IMMP2L: variants seen among roughly 807,000 people sequenced by gnomAD.
IMMP2L encodes mitochondrial inner membrane protease subunit 2.
IMMP2L carries 18 observed loss-of-function variants against 19.3 expected under a neutral mutation model. The ratio of observed to expected loss-of-function variants is 0.93; its 90% confidence interval spans 0.64 to 1.38. IMMP2L has a LOEUF of 1.38. Ranked by LOEUF, IMMP2L falls within the 40% of genes most tolerant of loss-of-function variation. The pLI is 0.00. For synonymous variants in IMMP2L, 76 were observed against 73.0 expected (o/e 1.04, Z -0.21); for missense variants, 233 against 218.2 (o/e 1.07, Z -0.43).
At chr7:111,193,119 T>G (rs1287517920) in intron 3 of IMMP2L, among the ~76,000 whole-genome samples, 1 of 152,102 alleles carries the variant, frequency 6.6e-6, no homozygotes, top group Admixed American at 6.5e-5. Context: ...AGGAAAAGAT[T>G]GAGGAGAGAT....
intron 3 of IMMP2L, among the ~76,000 whole-genome samples, chr7:111,428,194 C>G (rs1052214713): frequency 6.6e-6 from 1 of 151,658 alleles, no homozygotes; most frequent in Non-Finnish European, 1.5e-5. Flanking sequence ...TTCACCCTTA[C>G]AGAAAATGAT....
intron 5 of IMMP2L, among the ~76,000 whole-genome samples, chr7:110,752,570 G>A (rs980013553): frequency 1.3e-5 from 2 of 152,016 alleles, no homozygotes; most frequent in Non-Finnish European, 2.9e-5. Context: ...GTATTCCAGG[G>A]TCTTTGGATT....
intron 3 of IMMP2L, among the ~76,000 whole-genome samples, chr7:111,298,544 G>A (rs1821865797): frequency 6.6e-6 from 1 of 152,066 alleles, no homozygotes; most frequent in Admixed American, 6.6e-5. Flanking sequence ...AAGGTCAGGA[G>A]TTCAAGACCA....
Position 111,045,786 on chromosome 7 carries a change from T to C in IMMP2L, c.240-82221A>G, listed in dbSNP as rs117851941. ...ATGCAGCCTTGCTGATGCCTTGATT[T>C]TAGCCTAGTGAAACACATCAGACTT... is the stretch of plus-strand genomic sequence containing the variant. On this transcript the variant is annotated intron_variant, in intron 3 of 5. Transcript: ENST00000405709. Among the ~76,000 whole-genome samples the C allele has an allele frequency of 5.9e-5, 9 of 152,334 alleles. No individual in the cohort carries two copies. The East Asian group carries it at 1.7e-3, about 29-fold the overall frequency.
chr7:110,747,698 G>A (rs531506482), intron 5 of IMMP2L, among the ~76,000 whole-genome samples: 1 of 152,080 alleles, frequency 6.6e-6, no homozygotes, highest in African/African-American at 2.4e-5. Context: ...AAATTCAACA[G>A]CCCTTCATGC....
chr7:110,952,695 GCT>G (rs1164406713), intron 4 of IMMP2L, among the ~76,000 whole-genome samples: 1 of 152,112 alleles, frequency 6.6e-6, no homozygotes, highest in Non-Finnish European at 1.5e-5. Context: ...ATCCTGCTAG[GCT>G]CTGTGTTGAA....
At chr7:110,740,714 C>T (rs1248476711) in intron 5 of IMMP2L, among the ~76,000 whole-genome samples, 1 of 151,946 alleles carries the variant, frequency 6.6e-6, no homozygotes, top group Non-Finnish European at 1.5e-5. Context: ...GCAACACCAC[C>T]TCACTCCTGC....
At chr7:111,339,251 G>A (rs1223441555) in intron 3 of IMMP2L, among the ~76,000 whole-genome samples, 1 of 151,330 alleles carries the variant, frequency 6.6e-6, no homozygotes, top group Non-Finnish European at 1.5e-5. Context: ...CAAATTCAAT[G>A]CCATGATTCA....
chr7:110,997,214 A>C (rs1340189492), intron 3 of IMMP2L, among the ~76,000 whole-genome samples: 1 of 152,142 alleles, frequency 6.6e-6, no homozygotes, highest in Non-Finnish European at 1.5e-5. Context: ...AGTTTGTTGC[A>C]TATATCAATA....
chr7:111,143,952 C>G (rs1803201360), intron 3 of IMMP2L, among the ~76,000 whole-genome samples: 1 of 148,676 alleles, frequency 6.7e-6, no homozygotes, highest in Admixed American at 6.6e-5. Context: ...TCATTCATTA[C>G]CCTACCCTGT....
At chr7:110,814,718 T>C (rs1802335647) in intron 5 of IMMP2L, among the ~76,000 whole-genome samples, 3 of 148,642 alleles carry the variant, frequency 2.0e-5, no homozygotes, top group African/African-American at 7.3e-5. Flanking sequence ...TATATATATA[T>C]GTATATATAT....
chr7:111,477,078 T>C (rs1396108546), intron 3 of IMMP2L, among the ~76,000 whole-genome samples: 1 of 152,196 alleles, frequency 6.6e-6, no homozygotes, highest in Non-Finnish European at 1.5e-5. Flanking sequence ...TAGCTCATAT[T>C]TATTGATGCA....
chr7:110,939,364 A>G (rs1816467755), intron 4 of IMMP2L, among the ~76,000 whole-genome samples: 1 of 148,020 alleles, frequency 6.8e-6, no homozygotes, highest in Non-Finnish European at 1.5e-5. Flanking sequence ...AGATTTTTAA[A>G]ACCATTGATC....
intron 3 of IMMP2L, among the ~76,000 whole-genome samples, chr7:111,202,280 G>A (rs967311370): frequency 6.6e-6 from 1 of 152,130 alleles, no homozygotes; most frequent in Non-Finnish European, 1.5e-5. Flanking sequence ...ACTTAAATTT[G>A]TCTGGAAAAG....
intron 5 of IMMP2L, among the ~76,000 whole-genome samples, chr7:110,795,332 T>A (rs556872575): frequency 1.9e-4 from 29 of 152,192 alleles, no homozygotes; most frequent in African/African-American, 6.5e-4. Context: ...TAGTGATGAT[T>A]AAAAGTCTAA....
At chr7:111,411,858 T>C in intron 3 of IMMP2L, 1 of 205,184 alleles carries the variant, frequency 4.9e-6, no homozygotes, top group Non-Finnish European at 1.0e-5. Context: ...TATCATTATT[T>C]CCAGAGTAAG....
At chr7:111,345,038 G>T (rs1409785090) in intron 3 of IMMP2L, among the ~76,000 whole-genome samples, 1 of 152,096 alleles carries the variant, frequency 6.6e-6, no homozygotes, top group Non-Finnish European at 1.5e-5. Flanking sequence ...GGCAGAGGTA[G>T]TAGTAAAGAT....
intron 5 of IMMP2L, among the ~76,000 whole-genome samples, chr7:110,744,787 T>A (rs549960314): frequency 3.2e-4 from 49 of 152,282 alleles, no homozygotes; most frequent in South Asian, 2.1e-3. Context: ...TCCATGAAGG[T>A]GGGGAGAAAC....
At chr7:110,759,447 G>A (rs568295667) in intron 5 of IMMP2L, among the ~76,000 whole-genome samples, 17 of 152,202 alleles carry the variant, frequency 1.1e-4, no homozygotes, top group African/African-American at 3.9e-4. Flanking sequence ...CATGATATGC[G>A]AGGAAAGATA....
Sources: gnomAD v4.1 joint callset for allele counts (sites outside exome capture counted in the v4.1 genomes callset) on GRCh38, gnomAD v4.1.1 for gene constraint, MANE v1.5 for transcripts, NCBI Gene and HGNC (gene_info 2026-07-23, HGNC 2026-07-21) for gene names.